Variants in NETO1 observed in about 807,000 individuals in gnomAD.
NETO1 encodes the protein neuropilin and tolloid-like protein 1.
NETO1 carries 26 observed loss-of-function variants against 61.3 expected under a neutral mutation model. That is an observed-to-expected ratio of 0.42 (90% confidence interval 0.31 to 0.59). The LOEUF (loss-of-function observed/expected upper bound fraction) is 0.59. NETO1 is among the 20% of genes least tolerant of loss of function. NETO1 has a pLI of 0.12. For missense variants in NETO1, 531 were observed against 662.8 expected, an observed-to-expected ratio of 0.80 and a Z score of 2.18; for synonymous variants, 225 against 225.8, an observed-to-expected ratio of 1.00 and a Z score of 0.03.
chr18:72,797,088 AT>A (rs2072341580), intron 4 of NETO1, among the ~76,000 whole-genome samples: 2 of 152,042 alleles, frequency 1.3e-5, no homozygotes, highest in African/African-American at 4.8e-5. Flanking sequence ...ACTTTTTGTT[AT>A]TCATTGTATC....
intron 4 of NETO1, among the ~76,000 whole-genome samples, chr18:72,815,653 C>A (rs548126503): frequency 5.3e-5 from 8 of 152,272 alleles, no homozygotes; most frequent in Admixed American, 3.9e-4. Flanking sequence ...CTGACGACAT[C>A]GAGTTTCACG....
chr18:72,850,915 A>C (rs2074228148), intron 4 of NETO1, among the ~76,000 whole-genome samples: 1 of 152,206 alleles, frequency 6.6e-6, no homozygotes. Context: ...ATTAGCCAAC[A>C]GTCCCACTTC....
rs7234477 is a variant in NETO1, at chr18:72,761,858, T to G, written c.869-5711A>C. Among the ~76,000 whole-genome samples, 1,271 of 152,308 alleles carry G rather than the reference T, an allele frequency of 8.3e-3. 17 individuals carry two copies. The highest frequency in any genetic ancestry group is 0.029 in the African/African-American group (1,193 of 41,560). ...TTTGGAAACAAAATTTAGTACAATA[T>G]TTTGCTGAGGAGAGGACCTTTAAGA... On this transcript the variant is annotated intron_variant, in intron 7 of 10. Transcript: ENST00000327305.
chr18:72,820,228 T>C (rs937967555), intron 4 of NETO1, among the ~76,000 whole-genome samples: 1 of 152,220 alleles, frequency 6.6e-6, no homozygotes, highest in African/African-American at 2.4e-5. Flanking sequence ...ATTTTTACTT[T>C]GCTTGTTTTA....
chr18:72,842,738 C>A lies in NETO1; in HGVS notation c.469+16088G>T, dbSNP rs955984063. On this transcript the variant is annotated intron_variant, in intron 4 of 10. Coordinates refer to ENST00000327305, the MANE Select transcript of NETO1 (RefSeq NM_138966.5). ...TCTCAGCTTTGCTAGAGAGATGAAT[C>A]TGGGTTCTTCATTTAAACATTTTAA... Among the ~76,000 whole-genome samples, 5 of 152,132 alleles carry A rather than the reference C, an allele frequency of 3.3e-5. No homozygotes were observed. In the East Asian group the frequency reaches 9.6e-4, roughly 29 times the overall value.
intron 7 of NETO1, among the ~76,000 whole-genome samples, chr18:72,760,416 T>C (rs1445131717): frequency 2.6e-5 from 4 of 152,150 alleles, no homozygotes; most frequent in African/African-American, 9.7e-5. Context: ...TCCACACACA[T>C]CAGCCTGGGA....
At chr18:72,820,487 T>C (rs555898891) in intron 4 of NETO1, among the ~76,000 whole-genome samples, 43 of 152,348 alleles carry the variant, frequency 2.8e-4, no homozygotes, top group Non-Finnish European at 5.7e-4. Context: ...CTCCTGCTAT[T>C]GGAGCTGTTT....
chr18:72,760,319 A>C (rs1477344347), intron 7 of NETO1, among the ~76,000 whole-genome samples: 1 of 152,230 alleles, frequency 6.6e-6, no homozygotes, highest in Admixed American at 6.5e-5. Context: ...CTCCTCCCAC[A>C]TACACCAATA....
intron 7 of NETO1, among the ~76,000 whole-genome samples, chr18:72,759,776 C>A (rs549672715): frequency 2.1e-4 from 32 of 152,278 alleles, no homozygotes; most frequent in Middle Eastern, 3.4e-3. Flanking sequence ...ATTCTACTTA[C>A]GAGATTCAAT....
intron 4 of NETO1, among the ~76,000 whole-genome samples, chr18:72,796,199 G>GC (rs1415751597): frequency 6.6e-6 from 1 of 152,200 alleles, no homozygotes; most frequent in African/African-American, 2.4e-5. Flanking sequence ...GTATCTAAGT[G>GC]CGTTTCTTTG....
rs532521178 is a variant in NETO1 at position 72,802,526 on chromosome 18, G to A, written c.470-8122C>T. 2.2e-4 allele frequency among the ~76,000 whole-genome samples: 33 copies of A among 152,330 alleles called. No individual in the cohort carries two copies. The South Asian group carries it at 3.1e-3, about 14-fold the overall frequency. ...GGGCTTCCTTAGTTTGCTTGAATTC[G>A]CTGAATGTCAGCATGGGCCAATGAT... is the stretch of plus-strand genomic sequence containing the variant. On this transcript the variant is annotated intron_variant, in intron 4 of 10. Transcript: ENST00000327305.
intron 4 of NETO1, among the ~76,000 whole-genome samples, chr18:72,842,672 G>A (rs965462274): frequency 6.6e-6 from 1 of 152,122 alleles, no homozygotes; most frequent in African/African-American, 2.4e-5. Flanking sequence ...AAGCCAATAG[G>A]CATTTACTTG....
intron 4 of NETO1, among the ~76,000 whole-genome samples, chr18:72,810,296 G>C (rs537314517): frequency 6.6e-6 from 1 of 152,076 alleles, no homozygotes; most frequent in Non-Finnish European, 1.5e-5. Flanking sequence ...AATTTTAATG[G>C]GGACTCTACT....
chr18:72,769,636 T>C (rs1179540066), intron 7 of NETO1, among the ~76,000 whole-genome samples: 1 of 152,152 alleles, frequency 6.6e-6, no homozygotes, highest in African/African-American at 2.4e-5. Context: ...AATATAACCA[T>C]TAATATCTTC....
intron 4 of NETO1, among the ~76,000 whole-genome samples, chr18:72,800,267 T>C (rs1303421983): frequency 1.3e-5 from 2 of 152,248 alleles, no homozygotes; most frequent in Non-Finnish European, 2.9e-5. Flanking sequence ...ATGGTGACTT[T>C]AAACGTGTGT....
At chr18:72,863,335 G>A (rs1449119631) in intron 3 of NETO1, among the ~76,000 whole-genome samples, 1 of 152,190 alleles carries the variant, frequency 6.6e-6, no homozygotes, top group East Asian at 1.9e-4. Flanking sequence ...CTTCAGAAAT[G>A]AAGGTGAGCA....
chr18:72,844,534 C>T (rs2074027458), intron 4 of NETO1, among the ~76,000 whole-genome samples: 1 of 152,218 alleles, frequency 6.6e-6, no homozygotes, highest in African/African-American at 2.4e-5. Flanking sequence ...ACCTAACCTC[C>T]TCTCCTTTCA....
intron 4 of NETO1, among the ~76,000 whole-genome samples, chr18:72,796,746 G>C (rs991560988): frequency 2.0e-5 from 3 of 151,936 alleles, no homozygotes; most frequent in Non-Finnish European, 2.9e-5. Context: ...TTACAGGCGT[G>C]AGCCACCGCG....
chr18:72,775,138 G>C lies in NETO1; in HGVS notation c.868+8540C>G, dbSNP rs575639234. Among the ~76,000 whole-genome samples the C allele has an allele frequency of 3.9e-5, 6 of 152,308 alleles. No homozygotes were observed. In the East Asian group the frequency reaches 1.2e-3, roughly 29 times the overall value. ...GTTAGCAAAGTCGGTCGAGGCAGCA[G>C]TATTATACCTATGGGAGCAAGCTGC... On this transcript the variant is annotated intron_variant, in intron 7 of 10. Coordinates refer to ENST00000327305, the MANE Select transcript of NETO1 (RefSeq NM_138966.5).
Sources: allele counts gnomAD v4.1 joint callset (sites outside exome capture counted in the v4.1 genomes callset), GRCh38; gene constraint gnomAD v4.1.1; transcripts MANE v1.5; gene names NCBI Gene and HGNC (gene_info 2026-07-23, HGNC 2026-07-21).